The following JAKMIP2 variants were observed in gnomAD, a reference collection of about 807,000 sequenced individuals.
JAKMIP2 encodes janus kinase and microtubule interacting protein 2, also known as janus kinase and microtubule-interacting protein 2.
A neutral mutation model predicts 115.0 loss-of-function variants in JAKMIP2; 25 were observed. That is an observed-to-expected ratio of 0.22 (90% CI 0.16 to 0.30). The LOEUF is 0.30. JAKMIP2 is among the 10% of genes least tolerant of loss of function. The probability of loss-of-function intolerance (pLI) is 1.00; values close to 1 mark genes in which losing one functional copy is unlikely to be tolerated. For missense variants in JAKMIP2, 642 were observed against 957.6 expected, an observed-to-expected ratio of 0.67 and a Z score of 4.35; for synonymous variants, 334 against 343.6, an observed-to-expected ratio of 0.97 and a Z score of 0.31.
intron 1 of JAKMIP2, among the ~76,000 whole-genome samples, chr5:147,709,075 T>C (rs545219992): frequency 3.2e-4 from 49 of 152,356 alleles, no homozygotes; most frequent in Middle Eastern, 6.8e-3. Flanking sequence ...AGCAAGTATT[T>C]TGAATAAATC....
intron 1 of JAKMIP2, among the ~76,000 whole-genome samples, chr5:147,780,753 A>G (rs887000294): frequency 3.3e-5 from 5 of 152,234 alleles, no homozygotes; most frequent in Non-Finnish European, 7.3e-5. Context: ...AACCTGGTTC[A>G]AATACATGTG....
At chr5:147,662,589 C>A in intron 2 of JAKMIP2, among the ~76,000 whole-genome samples, 1 of 152,012 alleles carries the variant, frequency 6.6e-6, no homozygotes, top group East Asian at 1.9e-4. Context: ...CCTCCTCCCC[C>A]ACTTCATCTC....
chr5:147,643,714 A>T (rs1757985884), intron 7 of JAKMIP2, among the ~76,000 whole-genome samples: 2 of 152,234 alleles, frequency 1.3e-5, no homozygotes, highest in Non-Finnish European at 1.5e-5. Flanking sequence ...CATAGACAAC[A>T]TATTAAATCT....
chr5:147,776,026 G>T (rs905685721), intron 1 of JAKMIP2, among the ~76,000 whole-genome samples: 1 of 152,038 alleles, frequency 6.6e-6, no homozygotes, highest in Non-Finnish European at 1.5e-5. Context: ...TTTTCTCCAA[G>T]GTATTATGTT....
chr5:147,700,691 A>G (rs1282573988), intron 1 of JAKMIP2, among the ~76,000 whole-genome samples: 1 of 152,188 alleles, frequency 6.6e-6, no homozygotes, highest in Non-Finnish European at 1.5e-5. Flanking sequence ...CTCAGCCCCT[A>G]GCCATAGCCA....
intron 1 of JAKMIP2, among the ~76,000 whole-genome samples, chr5:147,726,767 C>T (rs1368342854): frequency 1.3e-5 from 2 of 152,176 alleles, no homozygotes; most frequent in Non-Finnish European, 2.9e-5. Flanking sequence ...GTTTCCTTCT[C>T]GTCTTGTTTT....
At chr5:147,700,696 T>A (rs1254929681) in intron 1 of JAKMIP2, among the ~76,000 whole-genome samples, 2 of 152,190 alleles carry the variant, frequency 1.3e-5, no homozygotes, top group African/African-American at 4.8e-5. Flanking sequence ...CCCCTAGCCA[T>A]AGCCAGGAAT....
In JAKMIP2 at chr5:147,702,635, A is replaced by AGAAG. The variant is rs1752402345; in HGVS notation, c.-148-30682_-148-30681insCTTC. Among the ~76,000 whole-genome samples, 8 of 125,130 alleles carry AGAAG rather than the reference A, an allele frequency of 6.4e-5. 1 individual carries two copies. The highest frequency in any genetic ancestry group is 1.9e-4 in the African/African-American group (5 of 26,002). 82.1% of individuals were successfully genotyped at this position (125,130 alleles called of 152,430 possible). On this transcript the variant is annotated intron_variant, in intron 1 of 21. Transcript: ENST00000616793. ...AAGAAAGAAAGAAAGAAAGAAAGAA[A>AGAAG]GAAAGAAAGAAAGAAAGAAAGAAAG...
intron 1 of JAKMIP2, among the ~76,000 whole-genome samples, chr5:147,752,876 G>A (rs530559057): frequency 6.6e-6 from 1 of 152,160 alleles, no homozygotes; most frequent in East Asian, 1.9e-4. Flanking sequence ...TGCTGAGATG[G>A]GGAGTTCTGG....
chr5:147,592,825 C>G (rs1755163127), intron 21 of JAKMIP2, among the ~76,000 whole-genome samples: 1 of 152,138 alleles, frequency 6.6e-6, no homozygotes. Context: ...GCACTTAGTA[C>G]CCCAAGGATA....
At chr5:147,667,416 T>C (rs2126796294) in intron 2 of JAKMIP2, among the ~76,000 whole-genome samples, 1 of 152,334 alleles carries the variant, frequency 6.6e-6, no homozygotes, top group Non-Finnish European at 1.5e-5. Flanking sequence ...ATGTAAATTC[T>C]GCCAAGAGAA....
intron 1 of JAKMIP2, among the ~76,000 whole-genome samples, chr5:147,731,166 G>A (rs760795222): frequency 2.6e-4 from 39 of 152,126 alleles, no homozygotes; most frequent in Non-Finnish European, 4.4e-4. Flanking sequence ...TATTTTGGAT[G>A]GACAAGGGGA....
chr5:147,684,998 A>G (rs1479483106), intron 1 of JAKMIP2, among the ~76,000 whole-genome samples: 3 of 152,196 alleles, frequency 2.0e-5, no homozygotes, highest in Admixed American at 1.3e-4. Context: ...TGTGCTGACC[A>G]CTGTACAATG....
chr5:147,774,034 T>C (rs1199118188), intron 1 of JAKMIP2, among the ~76,000 whole-genome samples: 1 of 152,212 alleles, frequency 6.6e-6, no homozygotes, highest in East Asian at 1.9e-4. Context: ...ATAGATGATT[T>C]TATTTAATGA....
chr5:147,691,041 G>GC (rs1308320133), intron 1 of JAKMIP2, among the ~76,000 whole-genome samples: 1 of 152,022 alleles, frequency 6.6e-6, no homozygotes, highest in East Asian at 1.9e-4. Context: ...CTCAAGATTG[G>GC]TTAATGTGAC....
chr5:147,656,936 A>G (rs1018152928), intron 3 of JAKMIP2, among the ~76,000 whole-genome samples: 16 of 152,182 alleles, frequency 1.1e-4, no homozygotes, highest in Non-Finnish European at 2.2e-4. Flanking sequence ...TTCACTTATG[A>G]GGCTTAGTTT....
At chr5:147,730,524 T>A (rs1177749005) in intron 1 of JAKMIP2, among the ~76,000 whole-genome samples, 2 of 152,030 alleles carry the variant, frequency 1.3e-5, no homozygotes, top group African/African-American at 4.8e-5. Context: ...GGTGCAATCT[T>A]GGCTCACTGC....
intron 1 of JAKMIP2, among the ~76,000 whole-genome samples, chr5:147,687,061 C>T (rs1037147643): frequency 2.0e-5 from 3 of 152,012 alleles, no homozygotes. Flanking sequence ...GGAGTCCTGG[C>T]CTATAATATT....
At chr5:147,610,819 A>G (rs1244015143) in intron 20 of JAKMIP2, among the ~76,000 whole-genome samples, 1 of 152,188 alleles carries the variant, frequency 6.6e-6, no homozygotes, top group Non-Finnish European at 1.5e-5. Context: ...TCCCAGGAAG[A>G]TGGGAGTTTT....
Sources: gnomAD v4.1 joint callset for allele counts (sites outside exome capture counted in the v4.1 genomes callset) on GRCh38, gnomAD v4.1.1 for gene constraint, MANE v1.5 for transcripts, NCBI Gene and HGNC (gene_info 2026-07-23, HGNC 2026-07-21) for gene names.